The following C6 variants were observed in gnomAD, a reference collection of about 807,000 sequenced individuals.
The protein encoded by C6 is complement C6.
A neutral mutation model predicts 112.9 loss-of-function variants in C6; 101 were observed. The ratio of observed to expected loss-of-function variants is 0.89; its 90% confidence interval spans 0.76 to 1.06. C6 has a LOEUF of 1.06. C6 is among the 50% of genes least tolerant of loss of function. C6 has a pLI of 0.00. For synonymous variants in C6, 431 were observed against 384.1 expected (o/e 1.12, Z -1.43); for missense variants, 1,202 against 1,104.6 (o/e 1.09, Z -1.25).
Position 41,159,073 on chromosome 5 carries a change from C to G in C6, c.1856+9G>C. ...AAATGACCCATTCTTTTCCCTTACCCGGCCTTACTTGTTTTCCATGATTGA... is the reference window on the plus strand; with the variant it reads ...AAATGACCCATTCTTTTCCCTTACCGGGCCTTACTTGTTTTCCATGATTGA... On this transcript the variant is annotated intron_variant, in intron 12 of 17. Coordinates refer to ENST00000337836, the MANE Select transcript of C6 (RefSeq NM_000065.5). The G allele has an allele frequency of 1.2e-6, 2 of 1,613,500 alleles. No homozygotes were observed. The highest frequency in any genetic ancestry group is 1.7e-6 in the Non-Finnish European group (2 of 1,179,594).
intron 9 of C6, among the ~76,000 whole-genome samples, chr5:41,163,310 CTTTTT>C (rs35341613): frequency 7.4e-6 from 1 of 134,558 alleles, no homozygotes. Context: ...TATCAATGAA[CTTTTT>C]TTTTTTTTTT....
intron 1 of C6, among the ~76,000 whole-genome samples, chr5:41,253,506 T>C (rs180727976): frequency 6.1e-4 from 93 of 152,300 alleles, no homozygotes; most frequent in African/African-American, 2.1e-3. Flanking sequence ...CCACTTGGGA[T>C]TTTCCTCCTT....
chr5:41,204,782 G>T (rs1046417496), intron 1 of C6, among the ~76,000 whole-genome samples: 1 of 148,064 alleles, frequency 6.8e-6, no homozygotes, highest in Non-Finnish European at 1.5e-5. Context: ...CCATTCTCCT[G>T]CCTCAGCCTC....
At chr5:41,221,340 A>T (rs1200386943) in intron 1 of C6, among the ~76,000 whole-genome samples, 1 of 152,148 alleles carries the variant, frequency 6.6e-6, no homozygotes. Flanking sequence ...ATGAAAATTG[A>T]TGTTCGTGGG....
chr5:41,158,582 G>C, intron 13 of C6, 92 bp downstream of exon 13: 1 of 752,936 alleles, frequency 1.3e-6, no homozygotes, highest in South Asian at 1.4e-5. Flanking sequence ...GAGATTATTC[G>C]AATAGGAAAA....
At chr5:41,175,895 G>A (rs944026890) in intron 8 of C6, among the ~76,000 whole-genome samples, 3 of 152,248 alleles carry the variant, frequency 2.0e-5, no homozygotes, top group South Asian at 2.1e-4. Flanking sequence ...CTACAATAAC[G>A]CAAATCTTTT....
chr5:41,192,338 TTTG>T (rs1257572562), intron 5 of C6, among the ~76,000 whole-genome samples: 9 of 152,038 alleles, frequency 5.9e-5, no homozygotes, highest in Non-Finnish European at 1.0e-4. Context: ...CTGTAGTAGA[TTTG>T]TTGTTGTTGT....
intron 9 of C6, among the ~76,000 whole-genome samples, chr5:41,166,745 G>T (rs999362266): frequency 2.0e-5 from 3 of 152,060 alleles, no homozygotes; most frequent in East Asian, 3.9e-4. Context: ...CCTTAATTAT[G>T]AACAACAATA....
chr5:41,205,840 C>A (rs1338370734), intron 1 of C6, among the ~76,000 whole-genome samples: 1 of 152,356 alleles, frequency 6.6e-6, no homozygotes, highest in African/African-American at 2.4e-5. Context: ...CAGACTTCAA[C>A]GTCCCTGTCT....
intron 1 of C6, among the ~76,000 whole-genome samples, chr5:41,251,426 G>A (rs188925891): frequency 5.4e-4 from 82 of 152,242 alleles, no homozygotes; most frequent in Non-Finnish European, 9.9e-4. Context: ...GACATTGAAT[G>A]CTATTGCTGT....
chr5:41,177,156 T>C (rs1035561820), intron 7 of C6, among the ~76,000 whole-genome samples: 11 of 152,204 alleles, frequency 7.2e-5, no homozygotes, highest in African/African-American at 2.7e-4. Context: ...GTTACAGCTT[T>C]GTCATTCTGG....
rs759974891 is a variant in C6 at position 41,153,995 on chromosome 5, G to A, written c.2105C>T (p.Thr702Met). The A allele has an allele frequency of 2.9e-5, 46 of 1,613,002 alleles. No individual in the cohort carries two copies. The highest frequency in any genetic ancestry group is 1.7e-4 in the Middle Eastern group (1 of 6,052). ...CTGCACAACTGGCTTGATGCACTCCGTCCCTGCAAGAGAGCAACATTTCAT... is the reference window on the plus strand; with the variant it reads ...CTGCACAACTGGCTTGATGCACTCCATCCCTGCAAGAGAGCAACATTTCAT... Reference protein sequence around the residue: ...WRQGDVECQRTECIKPVVQEV... With the variant: ...WRQGDVECQRMECIKPVVQEV... Residue 702 changes from threonine to methionine, a missense_variant, in exon 15 of 18, where the codon ACG becomes ATG. Coordinates refer to ENST00000337836, the MANE Select transcript of C6 (RefSeq NM_000065.5).
chr5:41,233,324 G>C (rs1392595495), intron 1 of C6, among the ~76,000 whole-genome samples: 2 of 151,974 alleles, frequency 1.3e-5, no homozygotes, highest in East Asian at 1.9e-4. Context: ...GATATGAAAT[G>C]GATAAACAAT....
intron 3 of C6, among the ~76,000 whole-genome samples, chr5:41,200,787 T>C (rs755845309): frequency 8.6e-5 from 13 of 151,796 alleles, no homozygotes; most frequent in Admixed American, 5.3e-4. Flanking sequence ...GGAGAGGGAA[T>C]GTAGAGGAAG....
chr5:41,155,059 A>T lies in C6; in HGVS notation c.2014T>A (p.Cys672Ser). The part of the protein sequence containing the change: ...YLVGEDVEIS[C>S]LTGFETVGYQ... ...CCAACAGTTTCAAAGCCAGTAAGGC[A>T]TGAAATTTCAACATCTTCTCCAACC... Residue 672 changes from cysteine to serine, a missense_variant, in exon 14 of 18, where the codon TGC becomes AGC. Physicochemically the swap from Cys to Ser is moderately radical, Grantham distance 112. Transcript: ENST00000337836. The T allele has an allele frequency of 6.2e-7, 1 of 1,613,686 alleles. No homozygotes were observed. Among genetic ancestry groups the T allele is most frequent in the South Asian group, 1.1e-5 (1 of 91,082 alleles).
At chr5:41,176,908 C>A (rs1748904656) in intron 7 of C6, among the ~76,000 whole-genome samples, 193 bp from the exon 8 acceptor site, 1 of 134,988 alleles carries the variant, frequency 7.4e-6, no homozygotes, top group Non-Finnish European at 1.8e-5. Context: ...GTCCAATGTG[C>A]AAAACAGGTA....
chr5:41,212,657 A>G (rs1272247019), intron 1 of C6, among the ~76,000 whole-genome samples: 1 of 152,186 alleles, frequency 6.6e-6, no homozygotes, highest in Non-Finnish European at 1.5e-5. Flanking sequence ...TGTTCGGTCA[A>G]TAGAGGAAGA....
intron 1 of C6, among the ~76,000 whole-genome samples, chr5:41,246,183 C>G (rs781182017): frequency 6.6e-6 from 1 of 152,182 alleles, no homozygotes; most frequent in Non-Finnish European, 1.5e-5. Flanking sequence ...GTCTAAAAGT[C>G]TGCTACTCTC....
chr5:41,252,310 C>T (rs1477902879), intron 1 of C6, among the ~76,000 whole-genome samples: 2 of 152,112 alleles, frequency 1.3e-5, no homozygotes, highest in African/African-American at 4.8e-5. Flanking sequence ...CATGGATGGC[C>T]CCCCTCCTTG....
Sources: gnomAD v4.1 joint callset for allele counts (sites outside exome capture counted in the v4.1 genomes callset) on GRCh38, gnomAD v4.1.1 for gene constraint, MANE v1.5 for transcripts, NCBI Gene and HGNC (gene_info 2026-07-23, HGNC 2026-07-21) for gene names.